CEP104: variants seen among roughly 807,000 people sequenced by gnomAD.
CEP104 encodes centrosomal protein 104, also known as centrosomal protein of 104 kDa.
Under a neutral mutation model 113.3 loss-of-function variants are expected in CEP104, and 84 were observed. The ratio of observed to expected loss-of-function variants is 0.74; its 90% CI spans 0.62 to 0.89. The LOEUF (loss-of-function observed/expected upper bound fraction) is 0.89, where lower values mean the gene tolerates loss of function less well. Among genes scored for constraint, CEP104 ranks in the 40% least tolerant of loss-of-function variants. The probability of loss-of-function intolerance (pLI) is 0.00; values close to 1 mark genes in which losing one functional copy is unlikely to be tolerated. For synonymous variants in CEP104, 378 were observed against 421.7 expected (o/e 0.90, Z 1.27); for missense variants, 1,053 against 1,156.6 (o/e 0.91, Z 1.30).
chr1:3,844,671 C>T (rs968263635), intron 6 of CEP104, among the ~76,000 whole-genome samples: 2 of 108,392 alleles, frequency 1.8e-5, no homozygotes, highest in South Asian at 2.7e-4. Context: ...ACACTCCGGC[C>T]TGGGCAGCAA....
chr1:3,835,011 C>G lies in CEP104; in HGVS notation c.1399G>C (p.Val467Leu), dbSNP rs1253810233. ...TTTAAATCTTCTTTTGGGGTTCCAA[C>G]AGGCATTTCCATTAACTTCTTAGAC... ...ALSKKLMEMP[V>L]GTPKEDLKNT... The change falls in exon 11 of 22, where the codon GTT (valine) becomes CTT (leucine). Residue 467 changes from valine (V) to leucine (L), a missense_variant. Transcript: ENST00000378230. The G allele has an allele frequency of 2.5e-6, 4 of 1,613,902 alleles. No homozygotes were observed. Among genetic ancestry groups the G allele is most frequent in the Non-Finnish European group, 3.4e-6 (4 of 1,179,958 alleles).
Position 3,836,490 on chromosome 1 carries a change from T to C in CEP104, c.1317+5A>G, listed in dbSNP as rs746169813. ...CCCGTTTTTTTTTTTTTTTTTTTTT[T>C]TTACCAAGGTTTCTCCCAACACATC... is the stretch of plus-strand genomic sequence containing the variant. On this transcript the variant is annotated splice_donor_5th_base_variant and intron_variant, in intron 10 of 21. Coordinates refer to ENST00000378230, the MANE Select transcript of CEP104 (RefSeq NM_014704.4). 4 of 1,555,006 alleles carry C rather than the reference T, an allele frequency of 2.6e-6. No individual in the cohort carries two copies. Among genetic ancestry groups the C allele is most frequent in the Non-Finnish European group, 2.6e-6 (3 of 1,161,044 alleles).
intron 6 of CEP104, among the ~76,000 whole-genome samples, chr1:3,840,330 G>A (rs1323730558): frequency 1.3e-5 from 2 of 151,964 alleles, no homozygotes; most frequent in Non-Finnish European, 2.9e-5. Flanking sequence ...TCCACCTCCC[G>A]GGTTCAGGCG....
Position 3,836,990 on chromosome 1 carries a change from G to A in CEP104, c.1120-298C>T, listed in dbSNP as rs906184202. 9.7e-6 allele frequency: 5 copies of A among 515,732 alleles called. No homozygotes were observed. The Admixed American group carries it at 1.8e-4, about 18-fold the overall frequency. 31.9% of individuals were successfully genotyped at this position (515,732 alleles called of 1,614,324 possible). ...GCAATTTCAGTTCAACTGACATGGAGACTACTAAAGTAAAGGCTATTACAT... is the reference window on the plus strand; with the variant it reads ...GCAATTTCAGTTCAACTGACATGGAAACTACTAAAGTAAAGGCTATTACAT... On this transcript the variant is annotated intron_variant, in intron 9 of 21. Coordinates refer to ENST00000378230, the MANE Select transcript of CEP104 (RefSeq NM_014704.4).
intron 20 of CEP104, among the ~76,000 whole-genome samples, chr1:3,816,651 C>T (rs1275692448): frequency 7.9e-5 from 12 of 152,246 alleles, no homozygotes; most frequent in Non-Finnish European, 1.3e-4. Flanking sequence ...GTGTCAGTGA[C>T]TCTGAGCACA....
chr1:3,837,272 T>C lies in CEP104; in HGVS notation c.1119+20A>G. The stretch of plus-strand genomic sequence containing the variant: ...AATACCCAAATAAATTGAACGCCAA[T>C]CTGAAACAGAATTACCTACATTGAT... On this transcript the variant is annotated intron_variant, in intron 9 of 21. Transcript: ENST00000378230. 3 of 1,583,684 alleles carry C rather than the reference T, an allele frequency of 1.9e-6. No homozygotes were observed. Among genetic ancestry groups the C allele is most frequent in the Non-Finnish European group, 2.6e-6 (3 of 1,154,884 alleles).
rs143501631 is a variant in CEP104 at position 3,836,586 on chromosome 1, C to T, written c.1226G>A (p.Arg409Gln). ...EMSNADISDA[R>Q]RGGMLGEPEP... ...TGGCTCCCCTAACATGCCTCCCCTC[C>T]GAGCATCGCTGATGTCTGCATTACT... The change falls in exon 10 of 22, where the codon CGG becomes CAG. Residue 409 changes from arginine (R) to glutamine (Q), a missense_variant. Coordinates refer to ENST00000378230, the MANE Select transcript of CEP104 (RefSeq NM_014704.4). The T allele has an allele frequency of 5.8e-5, 93 of 1,613,376 alleles. No individual in the cohort carries two copies. In the Admixed American group the frequency reaches 1.3e-3, roughly 22 times the overall value.
chr1:3,824,424 G>A (rs960745923), intron 18 of CEP104, among the ~76,000 whole-genome samples: 2 of 152,158 alleles, frequency 1.3e-5, no homozygotes, highest in East Asian at 1.9e-4. Flanking sequence ...GCCTAATATA[G>A]GGGATGGGGA....
Position 3,831,306 on chromosome 1 carries a change from A to C in CEP104, c.1660-84T>G. 3.3e-6 allele frequency: 4 copies of C among 1,208,304 alleles called. No homozygotes were observed. The South Asian group carries it at 5.6e-5, about 17-fold the overall frequency. The allele number at this position is 1,208,304 out of a possible 1,614,324, so 74.8% of individuals were successfully genotyped here. On this transcript the variant is annotated intron_variant, in intron 12 of 21. Transcript: ENST00000378230. Reference sequence around the variant, plus strand: ...ACAATTCAGCATGATCTTAAACTAAACACTGAAGGGAAAAACAGGGAAATA... The same window carrying C: ...ACAATTCAGCATGATCTTAAACTAACCACTGAAGGGAAAAACAGGGAAATA...
chr1:3,835,497 C>T (rs1207444800), intron 10 of CEP104, among the ~76,000 whole-genome samples: 1 of 152,184 alleles, frequency 6.6e-6, no homozygotes, highest in African/African-American at 2.4e-5. Context: ...CTCAGTCTTC[C>T]AGCTAGCTGG....
chr1:3,850,982 C>T (rs1194080139), intron 2 of CEP104, among the ~76,000 whole-genome samples: 3 of 152,228 alleles, frequency 2.0e-5, no homozygotes, highest in Non-Finnish European at 4.4e-5. Flanking sequence ...GAGGGATGCT[C>T]CTGCCTGGGA....
rs572019982 is a variant in CEP104, at chr1:3,837,267, G to A, written c.1119+25C>T. 59 of 1,565,802 alleles carry A rather than the reference G, an allele frequency of 3.8e-5. 1 individual carries two copies. The South Asian group carries it at 5.3e-4, about 14-fold the overall frequency. On this transcript the variant is annotated intron_variant, in intron 9 of 21. Coordinates refer to ENST00000378230, the MANE Select transcript of CEP104 (RefSeq NM_014704.4). ...TTACAAATACCCAAATAAATTGAAC[G>A]CCAATCTGAAACAGAATTACCTACA...
intron 1 of CEP104, among the ~76,000 whole-genome samples, chr1:3,854,625 T>A (rs947115700): frequency 6.9e-6 from 1 of 144,832 alleles, no homozygotes; most frequent in Non-Finnish European, 1.5e-5. Flanking sequence ...TGCACCACCA[T>A]GCCTGGCTAA....
intron 2 of CEP104, among the ~76,000 whole-genome samples, chr1:3,850,586 G>T (rs1026722648): frequency 6.6e-6 from 1 of 152,110 alleles, no homozygotes; most frequent in Admixed American, 6.5e-5. Context: ...CCTGAGCTCC[G>T]ACGTAGAGGG....
chr1:3,835,024 T>G lies in CEP104; in HGVS notation c.1386A>C (p.Leu462Phe). The change falls in exon 11 of 22, where the codon TTA becomes TTC. Residue 462 changes from leucine (L) to phenylalanine (F), a missense_variant. Coordinates refer to ENST00000378230, the MANE Select transcript of CEP104 (RefSeq NM_014704.4). ...TTGGGGTTCCAACAGGCATTTCCAT[T>G]AACTTCTTAGACAAGGCAAGCAGTG... Reference protein sequence around the residue: ...EDALLALSKKLMEMPVGTPKE... With the variant: ...EDALLALSKKFMEMPVGTPKE... 1 of 1,614,036 alleles carries G rather than the reference T, an allele frequency of 6.2e-7. No homozygotes were observed. Among genetic ancestry groups the G allele is most frequent in the African/African-American group, 1.3e-5 (1 of 75,004 alleles).
chr1:3,855,899 C>G, intron 1 of CEP104: 1 of 985,330 alleles, frequency 1.0e-6, no homozygotes, highest in South Asian at 4.7e-5. Flanking sequence ...TCCCTGTTGT[C>G]CCAGGGGCAG....
rs1216874377 is a variant in CEP104 at position 3,823,494 on chromosome 1, C to G, written c.2433G>C (p.Lys811Asn). ...TECDKKDGFGKCYRCSEAVFK... is the reference protein window; with the variant it reads ...TECDKKDGFGNCYRCSEAVFK... The stretch of plus-strand genomic sequence containing the variant: ...AAACAGCCTCACTGCAACGGTAACA[C>G]TTTCCAAACCCGTCTTTTTTGTCAC... Residue 811 changes from lysine to asparagine, a missense_variant, in exon 19 of 22, where the codon AAG becomes AAC. Physicochemically the swap from Lys to Asn is moderately conservative, Grantham distance 94. Coordinates refer to ENST00000378230, the MANE Select transcript of CEP104 (RefSeq NM_014704.4). The surrounding 1 kb of genome is among the most constrained non-coding windows in gnomAD (Gnocchi z 4.1). The G allele has an allele frequency of 6.2e-7, 1 of 1,614,274 alleles. No homozygotes were observed. Among genetic ancestry groups the G allele is most frequent in the Non-Finnish European group, 8.5e-7 (1 of 1,180,054 alleles).
chr1:3,840,920 G>C (rs1421123095), intron 6 of CEP104, among the ~76,000 whole-genome samples: 1 of 152,200 alleles, frequency 6.6e-6, no homozygotes, highest in Non-Finnish European at 1.5e-5. Flanking sequence ...AAGTTGTATG[G>C]TGTCAACCAT....
chr1:3,823,321 C>G lies in CEP104; in HGVS notation c.2504-80G>C, dbSNP rs1197404059. 1.2e-6 allele frequency: 2 copies of G among 1,610,006 alleles called. No homozygotes were observed. The highest frequency in any genetic ancestry group is 8.5e-7 in the Non-Finnish European group (1 of 1,176,428). On this transcript the variant is annotated intron_variant, in intron 19 of 21. Transcript: ENST00000378230. The surrounding 1 kb of genome is among the most constrained non-coding windows in gnomAD (Gnocchi z 4.1). ...TGCTGCTGGCCTGCCCGCAGGTGCC[C>G]TTTAATTCACCAAGCCCTTGCACAG... is the stretch of plus-strand genomic sequence containing the variant.
Sources: gnomAD v4.1 joint callset for allele counts (sites outside exome capture counted in the v4.1 genomes callset) on GRCh38, gnomAD v4.1.1 for gene constraint, Gnocchi (gnomAD v3.1) non-coding constraint, MANE v1.5 for transcripts, NCBI Gene and HGNC (gene_info 2026-07-23, HGNC 2026-07-21) for gene names.